LRBA: variants seen among roughly 807,000 people sequenced by gnomAD.
The protein encoded by LRBA is LPS responsive beige-like anchor protein, also known as lipopolysaccharide-responsive and beige-like anchor protein.
In LRBA, 176 loss-of-function variants were observed where a neutral mutation model predicts 330.0. The ratio of observed to expected loss-of-function variants is 0.53; its 90% CI spans 0.47 to 0.60. The LOEUF (loss-of-function observed/expected upper bound fraction) is 0.60. Ranked by LOEUF, LRBA falls within the 20% of genes least tolerant of loss-of-function variation. The pLI is 0.00. For synonymous variants in LRBA, 1,230 were observed against 1,193.0 expected (o/e 1.03, Z -0.64); for missense variants, 3,259 against 3,444.8 (o/e 0.95, Z 1.35).
chr4:150,482,630 C>T (rs1472462037), intron 42 of LRBA, among the ~76,000 whole-genome samples: 1 of 152,038 alleles, frequency 6.6e-6, no homozygotes, highest in African/African-American at 2.4e-5. Flanking sequence ...ACAAAGAAGT[C>T]GTACCACTTT....
At chr4:150,290,949 G>A (rs1407554689) in intron 53 of LRBA, among the ~76,000 whole-genome samples, 1 of 152,014 alleles carries the variant, frequency 6.6e-6, no homozygotes, top group Non-Finnish European at 1.5e-5. Context: ...TTGGACTTAT[G>A]TTTTATTTAT....
At chr4:150,965,726 T>C (rs1459049337) in intron 2 of LRBA, among the ~76,000 whole-genome samples, 4 of 150,552 alleles carry the variant, frequency 2.7e-5, no homozygotes, top group Non-Finnish European at 5.9e-5. Flanking sequence ...TTTTTTTTAA[T>C]ACAGATGGGG....
In LRBA at chr4:150,828,918, T is replaced by TGG. The variant is rs34994399; in HGVS notation, c.4730-299_4730-298dup. On this transcript the variant is annotated intron_variant, in intron 29 of 56. Transcript: ENST00000651943. The stretch of plus-strand genomic sequence containing the variant: ...GTAAGAAAAAGTCTATAATCTTTTT[T>TGG]GGGGGTGTGTGTGTGTGTGTGTGTG... 7.1e-3 allele frequency among the ~76,000 whole-genome samples: 815 copies of TGG among 114,468 alleles called. 4 individuals carry two copies. Among genetic ancestry groups the TGG allele is most frequent in the South Asian group, 0.027 (95 of 3,488 alleles). 75.1% of individuals were successfully genotyped at this position (114,468 alleles called of 152,430 possible). A position where few individuals can be genotyped will look rare whatever the true frequency, so the allele number is the denominator to read the frequency against.
intron 36 of LRBA, chr4:150,721,107 C>T (rs957784941): frequency 1.2e-5 from 7 of 592,892 alleles, no homozygotes; most frequent in Non-Finnish European, 2.3e-5. Flanking sequence ...TGTCCAGTTA[C>T]ACACATGGGG....
intron 30 of LRBA, among the ~76,000 whole-genome samples, chr4:150,826,521 T>A (rs1746308776): frequency 6.6e-6 from 1 of 152,202 alleles, no homozygotes; most frequent in Non-Finnish European, 1.5e-5. Flanking sequence ...GCAAGTCTGT[T>A]GGTTGTACAA....
intron 4 of LRBA, among the ~76,000 whole-genome samples, chr4:150,927,607 C>T (rs1734024511): frequency 1.3e-5 from 2 of 151,840 alleles, no homozygotes; most frequent in South Asian, 2.1e-4. Flanking sequence ...AGACAGGAAG[C>T]GGGGACAAGA....
At chr4:150,354,627 CTA>C (rs1476862954) in intron 47 of LRBA, among the ~76,000 whole-genome samples, 4 of 151,962 alleles carry the variant, frequency 2.6e-5, no homozygotes, top group Admixed American at 2.6e-4. Flanking sequence ...TCAGATAAGA[CTA>C]TGAAAAGACT....
intron 47 of LRBA, among the ~76,000 whole-genome samples, chr4:150,406,787 A>AT (rs1036801385): frequency 6.1e-4 from 92 of 150,362 alleles, no homozygotes; most frequent in African/African-American, 1.8e-3. Context: ...AAATTGAGGA[A>AT]TTTTTTTTTT....
chr4:150,832,921 C>T (rs1747411192), intron 28 of LRBA, among the ~76,000 whole-genome samples: 1 of 152,008 alleles, frequency 6.6e-6, no homozygotes, highest in African/African-American at 2.4e-5. Flanking sequence ...AAGAATACAC[C>T]ACCACATCCA....
intron 22 of LRBA, among the ~76,000 whole-genome samples, chr4:150,858,307 T>G (rs1244300665): frequency 1.3e-5 from 2 of 151,940 alleles, no homozygotes; most frequent in East Asian, 1.9e-4. Flanking sequence ...TAGTGTGTTA[T>G]ATATAATGGC....
chr4:150,409,939 G>T (rs1419831620), intron 47 of LRBA, among the ~76,000 whole-genome samples: 1 of 151,998 alleles, frequency 6.6e-6, no homozygotes, highest in African/African-American at 2.4e-5. Flanking sequence ...GACATGAGAG[G>T]GAGATACCCT....
intron 2 of LRBA, chr4:151,013,488 G>A (rs933630758): frequency 3.3e-5 from 5 of 152,320 alleles, no homozygotes; most frequent in African/African-American, 1.2e-4. Context: ...GCAACAGAGT[G>A]AGACCTCATC....
At chr4:150,385,338 T>C (rs899655774) in intron 47 of LRBA, among the ~76,000 whole-genome samples, 7 of 152,150 alleles carry the variant, frequency 4.6e-5, no homozygotes, top group Admixed American at 1.3e-4. Flanking sequence ...ATCTGCATTA[T>C]AGCCATAAAG....
At chr4:150,802,636 G>C (rs1189578250) in intron 33 of LRBA, among the ~76,000 whole-genome samples, 1 of 152,052 alleles carries the variant, frequency 6.6e-6, no homozygotes, top group African/African-American at 2.4e-5. Flanking sequence ...CATTACAATT[G>C]AGACAATCAG....
At chr4:150,364,427 C>A (rs1201519117) in intron 47 of LRBA, among the ~76,000 whole-genome samples, 1 of 152,232 alleles carries the variant, frequency 6.6e-6, no homozygotes, top group Non-Finnish European at 1.5e-5. Context: ...GATGTCACAG[C>A]TAGTAAATGT....
At chr4:150,541,237 G>A (rs1765287303) in intron 40 of LRBA, among the ~76,000 whole-genome samples, 1 of 152,172 alleles carries the variant, frequency 6.6e-6, no homozygotes, top group African/African-American at 2.4e-5. Context: ...AGACCAAAGA[G>A]CATGACTGAG....
chr4:151,014,706 G>T lies in LRBA; in HGVS notation c.-64C>A. On this transcript the variant is annotated 5_prime_UTR_variant, in exon 2 of 57. Transcript: ENST00000651943. The stretch of plus-strand genomic sequence containing the variant: ...GGACGGCAGTCGCTGCACTGGTAAT[G>T]AGCACAACACACGCAATGCAAAACG... 9.3e-7 allele frequency: 1 copy of T among 1,080,256 alleles called. No homozygotes were observed. The highest frequency in any genetic ancestry group is 1.5e-5 in the South Asian group (1 of 67,224). 66.9% of individuals were successfully genotyped at this position (1,080,256 alleles called of 1,614,324 possible). A position where few individuals can be genotyped will look rare whatever the true frequency, so the allele number is the denominator to read the frequency against.
chr4:150,628,653 A>C (rs542163339), intron 37 of LRBA, among the ~76,000 whole-genome samples: 96 of 152,308 alleles, frequency 6.3e-4, no homozygotes, highest in Non-Finnish European at 1.0e-3. Flanking sequence ...TATAATCTGC[A>C]TGGTGAAGTG....
At chr4:150,974,502 T>C (rs1739933250) in intron 2 of LRBA, among the ~76,000 whole-genome samples, 1 of 152,100 alleles carries the variant, frequency 6.6e-6, no homozygotes, top group Non-Finnish European at 1.5e-5. Context: ...AGTGGAAAGA[T>C]CTCAAACATC....
Sources: gnomAD v4.1 joint callset for allele counts (sites outside exome capture counted in the v4.1 genomes callset) on GRCh38, gnomAD v4.1.1 for gene constraint, MANE v1.5 for transcripts, NCBI Gene and HGNC (gene_info 2026-07-23, HGNC 2026-07-21) for gene names.